The following BORA variants were observed in gnomAD, a reference collection of about 807,000 sequenced individuals.
The protein encoded by BORA is BORA aurora kinase A activator, also known as protein aurora borealis.
In BORA, 26 loss-of-function variants were observed where a neutral mutation model predicts 55.8. The observed-to-expected ratio is 0.47, with a 90% CI of 0.34 to 0.65. The LOEUF (loss-of-function observed/expected upper bound fraction) is 0.65. Among genes scored for constraint, BORA ranks in the 30% least tolerant of loss-of-function variants. The pLI is 0.01. For synonymous variants in BORA, 201 were observed against 216.9 expected, an observed-to-expected ratio of 0.93 and a Z score of 0.64; for missense variants, 568 against 671.5, an observed-to-expected ratio of 0.85 and a Z score of 1.70.
chr13:72,753,940 A>T (rs1453041735), intron 11 of BORA, 119 bp downstream of exon 11: 1 of 1,065,990 alleles, frequency 9.4e-7, no homozygotes, highest in Non-Finnish European at 1.3e-6. Context: ...CTAAAAGGTA[A>T]GCCTGTTTTC....
chr13:72,739,051 A>C (rs1366064836), intron 5 of BORA, among the ~76,000 whole-genome samples: 1 of 152,232 alleles, frequency 6.6e-6, no homozygotes, highest in Non-Finnish European at 1.5e-5. Flanking sequence ...TATAAACCAG[A>C]GAGGTGACCT....
At position 72,746,690 on chromosome 13, in the gene BORA, C is replaced by T. The variant is rs749646046; in HGVS notation, c.1061C>T (p.Thr354Ile). The change falls in exon 10 of 12, where the codon ACT (threonine) becomes ATT (isoleucine). Residue 354 changes from threonine to isoleucine, a missense_variant. Coordinates refer to ENST00000390667, the MANE Select transcript of BORA (RefSeq NM_024808.5). ...ACCTCAGTGATTCAGATACCTTTTACTCTTGAGACTCAAGGTGAAGATGAG... is the reference window on the plus strand; with the variant it reads ...ACCTCAGTGATTCAGATACCTTTTATTCTTGAGACTCAAGGTGAAGATGAG... ...YRTSVIQIPF[T>I]LETQGEDEED... The T allele has an allele frequency of 2.4e-5, 39 of 1,614,012 alleles. No individual in the cohort carries two copies. In the Admixed American group the frequency reaches 6.2e-4, roughly 26 times the overall value.
At chr13:72,735,405 G>A (rs932506763) in intron 4 of BORA, among the ~76,000 whole-genome samples, 1 of 152,076 alleles carries the variant, frequency 6.6e-6, no homozygotes, top group African/African-American at 2.4e-5. Flanking sequence ...GGCCTTCAGA[G>A]TCTAGATTGG....
At chr13:72,729,134 G>A in intron 2 of BORA, 41 bp downstream of exon 2, 3 of 1,398,614 alleles carry the variant, frequency 2.1e-6, no homozygotes, top group Non-Finnish European at 2.9e-6. Context: ...AATTTTAAAT[G>A]TAAGTAATTA....
chr13:72,747,054 G>C lies in BORA; in HGVS notation c.1425G>C (p.Met475Ile). The C allele has an allele frequency of 6.2e-7, 1 of 1,614,026 alleles. No individual in the cohort carries two copies. The highest frequency in any genetic ancestry group is 8.5e-7 in the Non-Finnish European group (1 of 1,179,962). The change falls in exon 10 of 12, where the codon ATG becomes ATC. Residue 475 changes from methionine to isoleucine, a missense_variant. Met to Ile is a conservative substitution (Grantham distance 10, BLOSUM62 1). Coordinates refer to ENST00000390667, the MANE Select transcript of BORA (RefSeq NM_024808.5). ...CCTTCAGTATTGAAAACTCTCATAT[G>C]TGCATGTCACCTCTTGCTGAAAGCA... Reference protein sequence around the residue: ...GIAFSIENSHMCMSPLAESSV... With the variant: ...GIAFSIENSHICMSPLAESSV...
intron 2 of BORA, among the ~76,000 whole-genome samples, chr13:72,730,089 C>G (rs2032780144): frequency 6.6e-6 from 1 of 151,984 alleles, no homozygotes; most frequent in African/African-American, 2.4e-5. Context: ...GCCACCATGC[C>G]CGGGCCACTT....
chr13:72,747,920 AT>A (rs2033185709), intron 10 of BORA, among the ~76,000 whole-genome samples: 1 of 152,142 alleles, frequency 6.6e-6, no homozygotes, highest in Admixed American at 6.5e-5. Context: ...TACATTTCCA[AT>A]TTTGCAATGT....
rs1031466752 is a variant in BORA, at chr13:72,728,043, C to T, written c.-16+36C>T. 36 of 1,550,304 alleles carry T rather than the reference C, an allele frequency of 2.3e-5. No homozygotes were observed. The African/African-American group carries it at 2.3e-4, about 10-fold the overall frequency. On this transcript the variant is annotated intron_variant, in intron 1 of 11. Transcript: ENST00000390667. The stretch of plus-strand genomic sequence containing the variant: ...TCTTTGTGGTCCCTGGCCTTTCCTC[C>T]TGTCTGAATGGAGAGGTTTCTTTTC...
chr13:72,740,548 C>T (rs9530095), intron 5 of BORA, among the ~76,000 whole-genome samples: 150,207 of 152,278 alleles, frequency 0.99, 74,118 homozygotes, highest in Middle Eastern at 1. Flanking sequence ...AGAGAACATT[C>T]CCATCATCAC....
intron 9 of BORA, 68 bp from the exon 10 acceptor site, chr13:72,746,433 C>G (rs1223726550): frequency 6.7e-7 from 1 of 1,486,272 alleles, no homozygotes; most frequent in African/African-American, 1.4e-5. Context: ...ACATGATTAC[C>G]ATTTAGTAGT....
At position 72,746,023 on chromosome 13, in the gene BORA, C is replaced by T. The variant is rs1486091531; in HGVS notation, c.818C>T (p.Ser273Phe). The T allele has an allele frequency of 3.1e-6, 5 of 1,612,588 alleles. No homozygotes were observed. Among genetic ancestry groups the T allele is most frequent in the Admixed American group, 1.7e-5 (1 of 59,984 alleles). ...LGSITSPSPI[S>F]SPTFSPIEFQ... The stretch of plus-strand genomic sequence containing the variant: ...AGCATAACTAGTCCTTCGCCTATTT[C>T]TTCACCCACTTTCTCACCAATTGAA... The change falls in exon 9 of 12, where the codon TCT (serine) becomes TTT (phenylalanine). Residue 273 changes from serine to phenylalanine, a missense_variant. Physicochemically the swap from Ser to Phe is radical, Grantham distance 155. Coordinates refer to ENST00000390667, the MANE Select transcript of BORA (RefSeq NM_024808.5).
chr13:72,733,043 A>G (rs2032851525), intron 3 of BORA, among the ~76,000 whole-genome samples: 1 of 152,208 alleles, frequency 6.6e-6, no homozygotes, highest in Admixed American at 6.5e-5. Context: ...CTCTTAGTAC[A>G]TAGATTTATC....
intron 10 of BORA, among the ~76,000 whole-genome samples, chr13:72,750,064 G>A (rs1249949668): frequency 1.3e-5 from 2 of 152,118 alleles, no homozygotes; most frequent in African/African-American, 4.8e-5. Flanking sequence ...CCAGAGGGAT[G>A]GTATTTACTG....
chr13:72,744,969 T>G lies in BORA; in HGVS notation c.512-12T>G. ...TGACTAGCTTTGCCTTTTCTCCTATTATTAAATATAGGTGACTATTTTAGA... is the reference window on the plus strand; with the variant it reads ...TGACTAGCTTTGCCTTTTCTCCTATGATTAAATATAGGTGACTATTTTAGA... On this transcript the variant is annotated splice_polypyrimidine_tract_variant and intron_variant, in intron 7 of 11. Coordinates refer to ENST00000390667, the MANE Select transcript of BORA (RefSeq NM_024808.5). 6.2e-7 allele frequency: 1 copy of G among 1,605,514 alleles called. No homozygotes were observed. Among genetic ancestry groups the G allele is most frequent in the Non-Finnish European group, 8.5e-7 (1 of 1,173,192 alleles).
chr13:72,729,962 T>G (rs967416138), intron 2 of BORA, among the ~76,000 whole-genome samples: 3 of 147,062 alleles, frequency 2.0e-5, no homozygotes, highest in Non-Finnish European at 3.0e-5. Context: ...CACTTTATCT[T>G]TTTTTTTTTT....
chr13:72,738,058 A>G lies in BORA; in HGVS notation c.388+15A>G. The G allele has an allele frequency of 6.4e-7, 1 of 1,556,590 alleles. No individual in the cohort carries two copies. The highest frequency in any genetic ancestry group is 8.8e-7 in the Non-Finnish European group (1 of 1,139,682). On this transcript the variant is annotated intron_variant, in intron 5 of 11. Transcript: ENST00000390667. ...TTCCAGTAAATGTGAGTGTACTAAA[A>G]ATGATATGAATAAAAATCAAAAAAG...
chr13:72,746,439 G>T, intron 9 of BORA, 62 bp from the exon 10 acceptor site: 2 of 1,514,814 alleles, frequency 1.3e-6, no homozygotes. Flanking sequence ...TTACCATTTA[G>T]TAGTGACTTT....
chr13:72,742,540 C>T (rs1277078480), intron 5 of BORA, among the ~76,000 whole-genome samples: 2 of 151,474 alleles, frequency 1.3e-5, no homozygotes, highest in African/African-American at 4.9e-5. Context: ...TTAAGGTTGA[C>T]GTCATGAAGA....
At chr13:72,732,246 G>C (rs2032834368) in intron 3 of BORA, among the ~76,000 whole-genome samples, 1 of 152,068 alleles carries the variant, frequency 6.6e-6, no homozygotes, top group Admixed American at 6.5e-5. Context: ...ATACTTACTG[G>C]CTTTTCTCCT....
Sources: gnomAD v4.1 joint callset for allele counts (sites outside exome capture counted in the v4.1 genomes callset) on GRCh38, gnomAD v4.1.1 for gene constraint, MANE v1.5 for transcripts, NCBI Gene and HGNC (gene_info 2026-07-23, HGNC 2026-07-21) for gene names.